TMEM132D: variants seen among roughly 807,000 people sequenced by gnomAD.
TMEM132D encodes the protein transmembrane protein 132D, also known as mature OL transmembrane protein.
A neutral mutation model predicts 62.3 loss-of-function variants in TMEM132D; 21 were observed. The observed-to-expected ratio is 0.34, with a 90% CI of 0.24 to 0.49. The LOEUF (loss-of-function observed/expected upper bound fraction) is 0.49, where lower values mean the gene tolerates loss of function less well. Ranked by LOEUF, TMEM132D falls within the 20% of genes least tolerant of loss-of-function variation. TMEM132D has a pLI of 0.99. For missense variants in TMEM132D, 1,346 were observed against 1,402.8 expected, an observed-to-expected ratio of 0.96 and a Z score of 0.65; for synonymous variants, 621 against 575.6, an observed-to-expected ratio of 1.08 and a Z score of -1.13.
chr12:129,886,670 T>C lies in TMEM132D; in HGVS notation c.79+16591A>G, dbSNP rs375611091. Among the ~76,000 whole-genome samples the C allele has an allele frequency of 1.2e-4, 19 of 152,262 alleles. No individual in the cohort carries two copies. The South Asian group carries it at 3.7e-3, about 30-fold the overall frequency. On this transcript the variant is annotated intron_variant, in intron 1 of 8. Coordinates refer to ENST00000422113, the MANE Select transcript of TMEM132D (RefSeq NM_133448.3). ...GGAGAACACAAATGAGGGAAGCTCT[T>C]AGGAGTCAAGAAACACAGGGCACTC...
chr12:129,424,146 A>C (rs1218305462), intron 3 of TMEM132D, among the ~76,000 whole-genome samples: 1 of 152,106 alleles, frequency 6.6e-6, no homozygotes, highest in Non-Finnish European at 1.5e-5. Context: ...GAAATGTAGG[A>C]GCATCTCTCT....
At position 129,373,248 on chromosome 12, in the gene TMEM132D, CAAT is replaced by C. The variant is rs552112720; in HGVS notation, c.1116-35434_1116-35432del. Among the ~76,000 whole-genome samples, 300 of 152,204 alleles carry C rather than the reference CAAT, an allele frequency of 2.0e-3. 2 individuals carry two copies. The highest frequency in any genetic ancestry group is 6.9e-3 in the African/African-American group (287 of 41,528). On this transcript the variant is annotated intron_variant, in intron 3 of 8. Transcript: ENST00000422113. Reference sequence around the variant, plus strand: ...CCACCCCACCTTCCAACCCTCATTCCAATAATAACTGCATTTAAGTGATAAAAG... The same window carrying C: ...CCACCCCACCTTCCAACCCTCATTCCAATAACTGCATTTAAGTGATAAAAG...
At chr12:129,628,100 T>C (rs1184115330) in intron 2 of TMEM132D, among the ~76,000 whole-genome samples, 1 of 152,244 alleles carries the variant, frequency 6.6e-6, no homozygotes, top group Non-Finnish European at 1.5e-5. Context: ...ATTCATTTTG[T>C]TGATAAAATT....
At chr12:129,476,836 G>T (rs918546399) in intron 3 of TMEM132D, among the ~76,000 whole-genome samples, 69 of 152,246 alleles carry the variant, frequency 4.5e-4, no homozygotes, top group African/African-American at 1.5e-3. Flanking sequence ...AAATGCCAGG[G>T]AAGCTTAACT....
intron 1 of TMEM132D, among the ~76,000 whole-genome samples, chr12:129,816,114 C>T (rs1167683642): frequency 7.3e-6 from 1 of 137,552 alleles, no homozygotes; most frequent in Non-Finnish European, 1.5e-5. Context: ...AATAAACCTG[C>T]CATGCAGGCA....
chr12:129,417,939 A>G (rs1398639387), intron 3 of TMEM132D, among the ~76,000 whole-genome samples: 2 of 152,248 alleles, frequency 1.3e-5, no homozygotes, highest in Non-Finnish European at 2.9e-5. Context: ...GCCAAGAAAC[A>G]TATGAAAAAA....
At position 129,895,180 on chromosome 12, in the gene TMEM132D, C is replaced by CCAGGTACACGT. The variant is rs528092302; in HGVS notation, c.79+8070_79+8080dup. Among the ~76,000 whole-genome samples the CCAGGTACACGT allele has an allele frequency of 1.9e-3, 294 of 152,318 alleles. 1 individual carries two copies. Among genetic ancestry groups the CCAGGTACACGT allele is most frequent in the African/African-American group, 6.8e-3 (282 of 41,568 alleles). ...GGAATCCACCAAAGCATAGCACCCC[C>CCAGGTACACGT]CAGGTACACGTCACCGTTGTGTGGA... On this transcript the variant is annotated intron_variant, in intron 1 of 8. Transcript: ENST00000422113.
At chr12:129,084,016 T>C (rs1453642165) in intron 6 of TMEM132D, among the ~76,000 whole-genome samples, 3 of 152,196 alleles carry the variant, frequency 2.0e-5, no homozygotes, top group African/African-American at 7.2e-5. Context: ...AGGTTGACCC[T>C]GTCAGATGTC....
intron 3 of TMEM132D, among the ~76,000 whole-genome samples, chr12:129,375,545 G>A (rs1382095183): frequency 6.6e-6 from 1 of 152,128 alleles, no homozygotes; most frequent in Non-Finnish European, 1.5e-5. Context: ...AGAACTACTG[G>A]GGTTGTGTTT....
intron 1 of TMEM132D, among the ~76,000 whole-genome samples, chr12:129,878,926 G>A (rs1874513418): frequency 6.6e-6 from 1 of 152,050 alleles, no homozygotes; most frequent in African/African-American, 2.4e-5. Context: ...CCTGGACCCT[G>A]GAAACACCAT....
At position 129,517,583 on chromosome 12, in the gene TMEM132D, C is replaced by A. The variant is rs74663797; in HGVS notation, c.1115+13476G>T. Reference sequence around the variant, plus strand: ...CTGCTGACCCCTGAGTGGGGTGGACCCATGGGAGCATATTTAAGGGCGTCA... The same window carrying A: ...CTGCTGACCCCTGAGTGGGGTGGACACATGGGAGCATATTTAAGGGCGTCA... On this transcript the variant is annotated intron_variant, in intron 3 of 8. Coordinates refer to ENST00000422113, the MANE Select transcript of TMEM132D (RefSeq NM_133448.3). Among the ~76,000 whole-genome samples, 624 of 152,186 alleles carry A rather than the reference C, an allele frequency of 4.1e-3. 5 individuals carry two copies. Among genetic ancestry groups the A allele is most frequent in the African/African-American group, 0.014 (577 of 41,508 alleles).
Position 129,746,469 on chromosome 12 carries a change from G to A in TMEM132D, c.80-45771C>T, listed in dbSNP as rs560954046. ...ATTAGGAGACGGGAGGATATCATCAGATTTAAAATACATTAAAGGTGAGCT... is the reference window on the plus strand; with the variant it reads ...ATTAGGAGACGGGAGGATATCATCAAATTTAAAATACATTAAAGGTGAGCT... On this transcript the variant is annotated intron_variant, in intron 1 of 8. Coordinates refer to ENST00000422113, the MANE Select transcript of TMEM132D (RefSeq NM_133448.3). Among the ~76,000 whole-genome samples the A allele has an allele frequency of 6.6e-5, 10 of 152,244 alleles. No individual in the cohort carries two copies. The East Asian group carries it at 1.9e-3, about 29-fold the overall frequency.
chr12:129,678,905 G>C (rs563877956), intron 2 of TMEM132D, among the ~76,000 whole-genome samples: 1 of 152,002 alleles, frequency 6.6e-6, no homozygotes, highest in South Asian at 2.1e-4. Flanking sequence ...TGCAATAGTA[G>C]CTTCGTCATA....
chr12:129,780,412 T>G (rs550806944), intron 1 of TMEM132D, among the ~76,000 whole-genome samples: 1 of 152,000 alleles, frequency 6.6e-6, no homozygotes, highest in East Asian at 1.9e-4. Context: ...AAATGGGAGA[T>G]TTTTGCATAG....
In TMEM132D at chr12:129,699,950, G is replaced by A. The variant is rs79516334; in HGVS notation, c.828C>T (p.His276=). 2.5e-6 allele frequency: 4 copies of A among 1,614,136 alleles called. No homozygotes were observed. Among genetic ancestry groups the A allele is most frequent in the Non-Finnish European group, 3.4e-6 (4 of 1,180,034 alleles). ...GCAGTTCTCTCAGGGAGGGTTTCCTGTGTGTCTGATAAAGGAAGATGCTCC... is the reference window on the plus strand; with the variant it reads ...GCAGTTCTCTCAGGGAGGGTTTCCTATGTGTCTGATAAAGGAAGATGCTCC... The part of the protein sequence containing the change: ...RIGSIFLYQT[H]RKPSLRELRL... The change falls in exon 2 of 9, where the codon CAC becomes CAT. Residue 276 remains histidine, a synonymous_variant. Transcript: ENST00000422113.
chr12:129,694,809 C>T (rs1276876265), intron 2 of TMEM132D, among the ~76,000 whole-genome samples: 1 of 152,116 alleles, frequency 6.6e-6, no homozygotes, highest in Non-Finnish European at 1.5e-5. Flanking sequence ...GAGATCGAGA[C>T]CATCCTGGCT....
intron 1 of TMEM132D, among the ~76,000 whole-genome samples, chr12:129,711,552 C>A (rs1221862938): frequency 2.6e-5 from 4 of 151,652 alleles, no homozygotes; most frequent in Admixed American, 6.6e-5. Flanking sequence ...ATGGTGAAAC[C>A]CCATAGCTAC....
chr12:129,661,358 A>G (rs1880232708), intron 2 of TMEM132D, among the ~76,000 whole-genome samples: 1 of 152,254 alleles, frequency 6.6e-6, no homozygotes, highest in Non-Finnish European at 1.5e-5. Flanking sequence ...TAACAACAAA[A>G]GAAACTTACT....
chr12:129,541,528 G>A (rs1876581652), intron 2 of TMEM132D, among the ~76,000 whole-genome samples: 1 of 152,180 alleles, frequency 6.6e-6, no homozygotes, highest in Non-Finnish European at 1.5e-5. Context: ...GGGAGGGGAT[G>A]GCGAGAGAGG....
Sources: gnomAD v4.1 joint callset for allele counts (sites outside exome capture counted in the v4.1 genomes callset) on GRCh38, gnomAD v4.1.1 for gene constraint, MANE v1.5 for transcripts, NCBI Gene and HGNC (gene_info 2026-07-23, HGNC 2026-07-21) for gene names.